KCNAB1: variants seen among roughly 807,000 people sequenced by gnomAD.
The protein encoded by KCNAB1 is voltage-gated potassium channel subunit beta-1.
A neutral mutation model predicts 64.6 loss-of-function variants in KCNAB1; 35 were observed. That is an observed-to-expected ratio of 0.54 (90% CI 0.41 to 0.72). The LOEUF (loss-of-function observed/expected upper bound fraction) is 0.72. Among genes scored for constraint, KCNAB1 ranks in the 30% least tolerant of loss-of-function variants. The pLI is 0.00. For synonymous variants in KCNAB1, 177 were observed against 183.8 expected (o/e 0.96, Z 0.30); for missense variants, 401 against 512.9 (o/e 0.78, Z 2.11).
intron 1 of KCNAB1, among the ~76,000 whole-genome samples, chr3:156,401,913 T>C (rs1334104903): frequency 6.6e-6 from 1 of 151,256 alleles, no homozygotes; most frequent in East Asian, 1.9e-4. Context: ...AAGCAAATTG[T>C]GGTTTGACTT....
chr3:156,462,264 T>A (rs1712972493), intron 5 of KCNAB1, among the ~76,000 whole-genome samples: 1 of 152,244 alleles, frequency 6.6e-6, no homozygotes, highest in South Asian at 2.1e-4. Flanking sequence ...ATAGGCCAAA[T>A]GTTTTACAGG....
intron 1 of KCNAB1, among the ~76,000 whole-genome samples, chr3:156,244,901 T>TC (rs1717365302): frequency 6.6e-6 from 1 of 152,130 alleles, no homozygotes; most frequent in Non-Finnish European, 1.5e-5. Context: ...GCTGTAGGAG[T>TC]CCCCAGGACA....
intron 1 of KCNAB1, among the ~76,000 whole-genome samples, chr3:156,162,208 G>A (rs569687245): frequency 2.0e-5 from 3 of 151,948 alleles, no homozygotes; most frequent in African/African-American, 7.2e-5. Context: ...CATTGCCTAT[G>A]GCCAAATTGA....
chr3:156,192,538 C>A (rs938547754), intron 1 of KCNAB1, among the ~76,000 whole-genome samples: 1 of 152,060 alleles, frequency 6.6e-6, no homozygotes, highest in Non-Finnish European at 1.5e-5. Flanking sequence ...TTTGATATCA[C>A]TGCTGATTTC....
intron 1 of KCNAB1, among the ~76,000 whole-genome samples, chr3:156,413,535 T>C (rs1714831561): frequency 6.6e-6 from 1 of 152,202 alleles, no homozygotes; most frequent in African/African-American, 2.4e-5. Flanking sequence ...ATTATCCCCA[T>C]GTAACAGATG....
intron 1 of KCNAB1, among the ~76,000 whole-genome samples, chr3:156,284,641 G>C (rs930069809): frequency 2.6e-5 from 4 of 152,150 alleles, no homozygotes; most frequent in Admixed American, 6.5e-5. Flanking sequence ...TAGGACCCTC[G>C]GAGCCAGGTG....
intron 1 of KCNAB1, among the ~76,000 whole-genome samples, chr3:156,177,783 C>T (rs138585560): frequency 0.011 from 1,711 of 151,718 alleles, 32 homozygotes; most frequent in African/African-American, 0.039. Flanking sequence ...CCCTGTCGCC[C>T]AGGCTGGAGT....
chr3:156,400,102 T>G (rs1308520916), intron 1 of KCNAB1, among the ~76,000 whole-genome samples: 1 of 152,176 alleles, frequency 6.6e-6, no homozygotes, highest in African/African-American at 2.4e-5. Flanking sequence ...AGCCTTTCAT[T>G]TGTTTTCAAC....
chr3:156,334,236 C>T (rs1723532473), intron 1 of KCNAB1, among the ~76,000 whole-genome samples: 1 of 152,180 alleles, frequency 6.6e-6, no homozygotes, highest in South Asian at 2.1e-4. Context: ...TGTGGCAGCA[C>T]AGGGTCAGGG....
intron 1 of KCNAB1, among the ~76,000 whole-genome samples, chr3:156,238,938 G>A (rs988808286): frequency 1.3e-5 from 2 of 152,078 alleles, no homozygotes; most frequent in Admixed American, 1.3e-4. Flanking sequence ...GAGGCTGCTA[G>A]GAAATTAATT....
intron 1 of KCNAB1, among the ~76,000 whole-genome samples, chr3:156,159,368 TCTAA>T (rs1278974909): frequency 2.0e-5 from 3 of 152,186 alleles, no homozygotes; most frequent in Non-Finnish European, 4.4e-5. Context: ...AGAAATCTTA[TCTAA>T]CTAAAAGTAA....
intron 1 of KCNAB1, among the ~76,000 whole-genome samples, chr3:156,277,386 C>T (rs768708093): frequency 6.6e-6 from 1 of 152,054 alleles, no homozygotes; most frequent in Non-Finnish European, 1.5e-5. Flanking sequence ...GGAAAAATGG[C>T]ACCAGTTGAC....
intron 1 of KCNAB1, among the ~76,000 whole-genome samples, chr3:156,388,498 CTG>C (rs766535661): frequency 2.0e-5 from 3 of 152,236 alleles, no homozygotes; most frequent in Non-Finnish European, 4.4e-5. Context: ...TCCCAACACT[CTG>C]TGACCTTGAG....
intron 7 of KCNAB1, among the ~76,000 whole-genome samples, chr3:156,467,494 A>C (rs1713504600): frequency 6.6e-6 from 1 of 152,158 alleles, no homozygotes. Flanking sequence ...TAAGGAAGCC[A>C]GGTTCTCCAT....
At chr3:156,171,297 G>C (rs1475949490) in intron 1 of KCNAB1, among the ~76,000 whole-genome samples, 13 of 151,736 alleles carry the variant, frequency 8.6e-5, no homozygotes, top group Admixed American at 4.6e-4. Flanking sequence ...GTAAGAGTAA[G>C]AATAGTCTAT....
intron 1 of KCNAB1, among the ~76,000 whole-genome samples, chr3:156,167,269 G>T (rs1711641849): frequency 6.6e-6 from 1 of 152,176 alleles, no homozygotes; most frequent in South Asian, 2.1e-4. Context: ...CTATCAGACG[G>T]TGGCGTGTGA....
chr3:156,514,966 T>G, intron 9 of KCNAB1, 134 bp from the exon 10 acceptor site: 1 of 805,260 alleles, frequency 1.2e-6, no homozygotes, highest in Admixed American at 3.0e-5. Context: ...ACAAATTTGC[T>G]TATTATTTGG....
chr3:156,326,943 A>T (rs1171893569), intron 1 of KCNAB1, among the ~76,000 whole-genome samples: 1 of 151,986 alleles, frequency 6.6e-6, no homozygotes, highest in Admixed American at 6.6e-5. Flanking sequence ...GAGTAGAAAC[A>T]ACATTTATCA....
At chr3:156,327,896 C>T (rs1016275066) in intron 1 of KCNAB1, among the ~76,000 whole-genome samples, 1 of 152,098 alleles carries the variant, frequency 6.6e-6, no homozygotes, top group Non-Finnish European at 1.5e-5. Flanking sequence ...TCGTGTCTCC[C>T]TCTGGTGCTC....
Sources: allele counts gnomAD v4.1 joint callset (sites outside exome capture counted in the v4.1 genomes callset), GRCh38; gene constraint gnomAD v4.1.1; transcripts MANE v1.5; gene names NCBI Gene and HGNC (gene_info 2026-07-23, HGNC 2026-07-21).